Variants in PLEKHG1 observed in about 807,000 individuals in gnomAD.
PLEKHG1 encodes the protein pleckstrin homology and RhoGEF domain containing G1.
Under a neutral mutation model 100.8 loss-of-function variants are expected in PLEKHG1, and 44 were observed. That is an observed-to-expected ratio of 0.44 (90% CI 0.34 to 0.56). The LOEUF (loss-of-function observed/expected upper bound fraction) is 0.56, where lower values mean the gene tolerates loss of function less well. Ranked by LOEUF, PLEKHG1 falls within the 20% of genes least tolerant of loss-of-function variation. The pLI, the probability that PLEKHG1 is intolerant of heterozygous loss-of-function variation, is 0.01. For synonymous variants in PLEKHG1, 640 were observed against 662.5 expected, an observed-to-expected ratio of 0.97 and a Z score of 0.52; for missense variants, 1,545 against 1,720.9, an observed-to-expected ratio of 0.90 and a Z score of 1.81.
At chr6:150,812,491 G>A (rs1006506566) in intron 10 of PLEKHG1, among the ~76,000 whole-genome samples, 7 of 152,092 alleles carry the variant, frequency 4.6e-5, no homozygotes, top group Non-Finnish European at 7.4e-5. Context: ...AGGCTGCCGA[G>A]GTCAAGGAGA....
chr6:150,682,497 C>T (rs183081217), intron 3 of PLEKHG1, among the ~76,000 whole-genome samples: 6 of 152,018 alleles, frequency 3.9e-5, no homozygotes, highest in Non-Finnish European at 7.4e-5. Flanking sequence ...CCTTTCCACC[C>T]GGCCAGGTTC....
chr6:150,726,181 A>G (rs72570332), intron 1 of PLEKHG1, among the ~76,000 whole-genome samples: 3 of 152,144 alleles, frequency 2.0e-5, no homozygotes, highest in Non-Finnish European at 4.4e-5. Flanking sequence ...GAGTAAGTCC[A>G]AAAAATCTGC....
rs1035208883 is a variant in PLEKHG1, at chr6:150,819,665, G to C, written c.1313-14G>C. 3 of 1,523,444 alleles carry C rather than the reference G, an allele frequency of 2.0e-6. No individual in the cohort carries two copies. The highest frequency in any genetic ancestry group is 2.7e-6 in the Non-Finnish European group (3 of 1,097,390). 94.4% of individuals were successfully genotyped at this position (1,523,444 alleles called of 1,614,324 possible). A position where few individuals can be genotyped will look rare whatever the true frequency, so the allele number is the denominator to read the frequency against. On this transcript the variant is annotated splice_polypyrimidine_tract_variant and intron_variant, in intron 11 of 15. Transcript: ENST00000358517. The stretch of plus-strand genomic sequence containing the variant: ...ACACCACAGTCCCACTGATGCACGT[G>C]GTTATCTTTACAGATCATCCAGGCT...
chr6:150,634,100 C>A (rs538316600), intron 1 of PLEKHG1, among the ~76,000 whole-genome samples: 4 of 151,478 alleles, frequency 2.6e-5, no homozygotes, highest in Admixed American at 1.3e-4. Flanking sequence ...AAAAAAAATC[C>A]GGGCGTGGTG....
intron 3 of PLEKHG1, among the ~76,000 whole-genome samples, chr6:150,675,415 T>C (rs1415166897): frequency 6.6e-6 from 1 of 152,232 alleles, no homozygotes; most frequent in Non-Finnish European, 1.5e-5. Context: ...TCATCACACA[T>C]GCTCATCCAT....
At chr6:150,666,428 C>T (rs1029672133) in intron 3 of PLEKHG1, among the ~76,000 whole-genome samples, 2 of 152,180 alleles carry the variant, frequency 1.3e-5, no homozygotes, top group African/African-American at 4.8e-5. Context: ...TCCCACACTC[C>T]CTCTGCTTCG....
intron 1 of PLEKHG1, chr6:150,605,426 T>C (rs60414529): frequency 7.7e-4 from 118 of 152,332 alleles, no homozygotes; most frequent in African/African-American, 2.8e-3. Flanking sequence ...GACCTTTCAA[T>C]TATTAGGAAT....
chr6:150,656,960 A>G (rs76678566), intron 3 of PLEKHG1, among the ~76,000 whole-genome samples: 2,563 of 152,234 alleles, frequency 0.017, 38 homozygotes, highest in South Asian at 0.065. Context: ...GCCTTTTGCT[A>G]TCTTGTTGGG....
intron 4 of PLEKHG1, among the ~76,000 whole-genome samples, chr6:150,794,418 C>G (rs918568758): frequency 2.6e-5 from 4 of 152,194 alleles, no homozygotes; most frequent in Non-Finnish European, 5.9e-5. Flanking sequence ...ATAATCCCAA[C>G]ACTTTGAGAG....
chr6:150,716,168 T>G (rs148252899), upstream of PLEKHG1, among the ~76,000 whole-genome samples: 1,234 of 151,796 alleles, frequency 8.1e-3, 29 homozygotes, highest in African/African-American at 0.028. Flanking sequence ...AAGAAAAAAC[T>G]TCTAATAGAC....
intron 2 of PLEKHG1, among the ~76,000 whole-genome samples, chr6:150,745,394 G>A (rs1221316767): frequency 2.0e-5 from 3 of 152,084 alleles, no homozygotes; most frequent in South Asian, 2.1e-4. Flanking sequence ...CAAAAATCAC[G>A]CACTTTGGCC....
intron 3 of PLEKHG1, among the ~76,000 whole-genome samples, chr6:150,694,704 A>T (rs1358624734): frequency 6.6e-6 from 1 of 151,638 alleles, no homozygotes; most frequent in Non-Finnish European, 1.5e-5. Context: ...TCTCAAAAAA[A>T]AAAAAAATAA....
intron 2 of PLEKHG1, among the ~76,000 whole-genome samples, chr6:150,758,561 CTGACCTCAGG>C (rs1783980411): frequency 6.6e-6 from 1 of 152,180 alleles, no homozygotes; most frequent in Non-Finnish European, 1.5e-5. Flanking sequence ...TCTCAAACTC[CTGACCTCAGG>C]TGATCTGCCT....
chr6:150,830,757 C>A, exon 15 of PLEKHG1: 1 of 1,614,134 alleles, frequency 6.2e-7, no homozygotes, highest in Non-Finnish European at 8.5e-7. Context: ...CGACGGTCCC[C>A]GCAGGAGAAT....
At chr6:150,713,920 C>T (rs1781330227) in intron 3 of PLEKHG1, among the ~76,000 whole-genome samples, 1 of 152,216 alleles carries the variant, frequency 6.6e-6, no homozygotes, top group Non-Finnish European at 1.5e-5. Context: ...TGATTTAAGT[C>T]TCAATGGCTG....
intron 9 of PLEKHG1, 55 bp downstream of exon 10, chr6:150,809,531 T>C: frequency 6.6e-7 from 1 of 1,509,466 alleles, no homozygotes; most frequent in South Asian, 1.1e-5. Context: ...TGATGAGTGC[T>C]GTGTACCATG....
chr6:150,831,031 G>C lies in PLEKHG1; in HGVS notation c.1920G>C (p.Gln640His), dbSNP rs765140188. The stretch of plus-strand genomic sequence containing the variant: ...AGAACAGCCCCAAAACAGAAGGGCA[G>C]GAGGAGATGACTCCCTTTGGGTCAT... Residue 640 changes from glutamine to histidine, a missense_variant, in exon 15 of 16, where the codon CAG (glutamine) becomes CAC (histidine). Coordinates refer to ENST00000358517, the Ensembl canonical transcript of PLEKHG1. This position sits in a 1 kb window ranked among gnomAD's most constrained non-coding sequence, Gnocchi z 4.1. 5.0e-6 allele frequency: 8 copies of C among 1,613,672 alleles called. No individual in the cohort carries two copies. The highest frequency in any genetic ancestry group is 1.7e-5 in the Admixed American group (1 of 59,996).
chr6:150,800,917 T>G, intron 6 of PLEKHG1, 48 bp downstream of exon 7: 1 of 1,514,746 alleles, frequency 6.6e-7, no homozygotes, highest in Non-Finnish European at 9.1e-7. Context: ...GGGAGTTTTG[T>G]GTGTATATAT....
chr6:150,711,218 T>C (rs6557082), intron 3 of PLEKHG1, among the ~76,000 whole-genome samples: 137,906 of 152,192 alleles, frequency 0.91, 62,576 homozygotes, highest in East Asian at 0.93. Context: ...AAGGTGATCA[T>C]AGGGTGGTGA....
Sources: gnomAD v4.1 joint callset for allele counts (sites outside exome capture counted in the v4.1 genomes callset) on GRCh38, gnomAD v4.1.1 for gene constraint, Gnocchi (gnomAD v3.1) non-coding constraint, MANE v1.5 for transcripts, NCBI Gene and HGNC (gene_info 2026-07-23, HGNC 2026-07-21) for gene names.